Variants in ROR1 observed in about 807,000 individuals in gnomAD.
ROR1 encodes ROR family WNT receptor 1.
Under a neutral mutation model 78.8 loss-of-function variants are expected in ROR1, and 19 were observed. The observed-to-expected ratio is 0.24, with a 90% CI of 0.17 to 0.35. The LOEUF (loss-of-function observed/expected upper bound fraction) is 0.35. ROR1 is among the 10% of genes least tolerant of loss of function. The probability of loss-of-function intolerance (pLI) is 1.00; values close to 1 mark genes in which losing one functional copy is unlikely to be tolerated. For synonymous variants in ROR1, 386 were observed against 433.6 expected, an observed-to-expected ratio of 0.89 and a Z score of 1.36; for missense variants, 917 against 1,177.8, an observed-to-expected ratio of 0.78 and a Z score of 3.24.
intron 1 of ROR1, among the ~76,000 whole-genome samples, chr1:63,912,309 A>C (rs1230883453): frequency 6.6e-6 from 1 of 151,952 alleles, no homozygotes; most frequent in African/African-American, 2.4e-5. Context: ...AAAAAAAAAA[A>C]AAACAAAAAA....
intron 8 of ROR1, among the ~76,000 whole-genome samples, chr1:64,168,273 G>A (rs1264982064): frequency 3.3e-5 from 5 of 152,202 alleles, no homozygotes; most frequent in Non-Finnish European, 7.3e-5. Context: ...TTGTAAAATA[G>A]GTGTGAGTCA....
chr1:64,137,266 A>C, intron 4 of ROR1, 103 bp from the exon 5 acceptor site: 1 of 1,255,524 alleles, frequency 8.0e-7, no homozygotes, highest in Non-Finnish European at 1.1e-6. Context: ...ATTGTGCCCA[A>C]CTGTGCCCCC....
intron 7 of ROR1, among the ~76,000 whole-genome samples, chr1:64,155,950 C>T (rs777536997): frequency 1.3e-5 from 2 of 152,144 alleles, no homozygotes; most frequent in Non-Finnish European, 2.9e-5. Context: ...TCATTTGATT[C>T]TCAGGTGAAC....
intron 1 of ROR1, among the ~76,000 whole-genome samples, chr1:63,922,850 C>A (rs1158383578): frequency 6.6e-6 from 1 of 152,158 alleles, no homozygotes; most frequent in African/African-American, 2.4e-5. Flanking sequence ...GGACTTTAGT[C>A]TTGGTTTTTC....
intron 1 of ROR1, among the ~76,000 whole-genome samples, chr1:63,929,369 C>G (rs1163778029): frequency 6.6e-6 from 1 of 152,132 alleles, no homozygotes; most frequent in African/African-American, 2.4e-5. Context: ...AATCCCATCT[C>G]AAATATCACC....
At chr1:63,843,107 G>A (rs1645059023) in intron 1 of ROR1, 1 of 617,498 alleles carries the variant, frequency 1.6e-6, no homozygotes, top group African/African-American at 1.8e-5. Context: ...CAGCCCCTCT[G>A]GTCTGGGAGG....
intron 1 of ROR1, among the ~76,000 whole-genome samples, chr1:63,992,997 C>A (rs994639498): frequency 1.3e-5 from 2 of 152,092 alleles, no homozygotes; most frequent in East Asian, 1.9e-4. Flanking sequence ...ATATTAGATA[C>A]CTAATAAGTG....
chr1:63,821,984 G>A (rs1427528839), intron 1 of ROR1, among the ~76,000 whole-genome samples: 7 of 152,300 alleles, frequency 4.6e-5, no homozygotes, highest in Admixed American at 4.6e-4. Context: ...TTCATGAAAA[G>A]CCATATTTGG....
chr1:63,976,799 T>C lies in ROR1; in HGVS notation c.92-32506T>C, dbSNP rs544888965. Reference sequence around the variant, plus strand: ...GTTCAGAATTTTTTGGATTTTGGAATATTTGCATATATATGGTGAGATATC... The same window carrying C: ...GTTCAGAATTTTTTGGATTTTGGAACATTTGCATATATATGGTGAGATATC... On this transcript the variant is annotated intron_variant, in intron 1 of 8. Transcript: ENST00000371079. Among the ~76,000 whole-genome samples, 4 of 152,334 alleles carry C rather than the reference T, an allele frequency of 2.6e-5. No individual in the cohort carries two copies. The East Asian group carries it at 5.8e-4, about 22-fold the overall frequency.
At chr1:63,974,684 C>A (rs1646144044) in intron 1 of ROR1, among the ~76,000 whole-genome samples, 1 of 152,032 alleles carries the variant, frequency 6.6e-6, no homozygotes, top group Non-Finnish European at 1.5e-5. Context: ...GTTGCCCAGG[C>A]TGGAGTGCAG....
intron 1 of ROR1, among the ~76,000 whole-genome samples, chr1:63,800,129 G>A (rs1644786606): frequency 1.3e-5 from 2 of 152,154 alleles, no homozygotes; most frequent in African/African-American, 4.8e-5. Flanking sequence ...GAGAAGGTTT[G>A]ACTTAGGAGG....
intron 1 of ROR1, among the ~76,000 whole-genome samples, chr1:63,941,789 A>G (rs953305021): frequency 2.0e-5 from 3 of 152,220 alleles, no homozygotes; most frequent in African/African-American, 2.4e-5. Flanking sequence ...AGATGATACT[A>G]CTACTACCAG....
At chr1:64,027,544 C>A (rs1284155559) in intron 2 of ROR1, among the ~76,000 whole-genome samples, 1 of 152,182 alleles carries the variant, frequency 6.6e-6, no homozygotes, top group East Asian at 1.9e-4. Context: ...TCTCATCTCT[C>A]ATTGTATAAT....
chr1:64,158,952 C>T (rs2100729472), intron 7 of ROR1, 29 bp from the exon 8 acceptor site: 3 of 1,521,550 alleles, frequency 2.0e-6, no homozygotes, highest in East Asian at 4.5e-5. Flanking sequence ...AAGAGTATAA[C>T]TTTTGCTCTT....
chr1:63,965,969 T>C (rs973474481), intron 1 of ROR1, among the ~76,000 whole-genome samples: 5 of 152,236 alleles, frequency 3.3e-5, no homozygotes, highest in African/African-American at 7.2e-5. Context: ...CCTCAGTTTA[T>C]TCCCCTTTAA....
chr1:64,174,090 T>C (rs1650314165), intron 8 of ROR1, among the ~76,000 whole-genome samples: 1 of 152,208 alleles, frequency 6.6e-6, no homozygotes, highest in African/African-American at 2.4e-5. Flanking sequence ...TTTGCATTAC[T>C]TTACTTCCTG....
At chr1:64,080,006 A>G (rs532323103) in intron 4 of ROR1, among the ~76,000 whole-genome samples, 3 of 152,258 alleles carry the variant, frequency 2.0e-5, no homozygotes, top group Non-Finnish European at 2.9e-5. Flanking sequence ...ATCCCTTCTC[A>G]TTGTGGATCT....
At chr1:64,118,689 C>G (rs1374516908) in intron 4 of ROR1, among the ~76,000 whole-genome samples, 1 of 148,968 alleles carries the variant, frequency 6.7e-6, no homozygotes, top group East Asian at 2.0e-4. Flanking sequence ...TCCTAATGCT[C>G]GTTCTGATGC....
chr1:64,089,043 ATAT>A (rs946740344), intron 4 of ROR1, among the ~76,000 whole-genome samples: 1 of 152,042 alleles, frequency 6.6e-6, no homozygotes, highest in Non-Finnish European at 1.5e-5. Context: ...TTGTTATTAA[ATAT>A]TATTATAATA....
Sources: allele counts gnomAD v4.1 joint callset (sites outside exome capture counted in the v4.1 genomes callset), GRCh38; gene constraint gnomAD v4.1.1; transcripts MANE v1.5; gene names NCBI Gene and HGNC (gene_info 2026-07-23, HGNC 2026-07-21).